EYS: variants seen among roughly 807,000 people sequenced by gnomAD.
EYS encodes protein eyes shut homolog.
EYS carries 250 observed loss-of-function variants against 282.1 expected under a neutral mutation model. The observed-to-expected ratio is 0.89, with a 90% CI of 0.80 to 0.98. The LOEUF (loss-of-function observed/expected upper bound fraction) is 0.98. Among genes scored for constraint, EYS ranks in the 50% least tolerant of loss-of-function variants. EYS has a pLI of 0.00. For synonymous variants in EYS, 1,355 were observed against 1,282.9 expected, an observed-to-expected ratio of 1.06 and a Z score of -1.20; for missense variants, 4,016 against 3,709.0, an observed-to-expected ratio of 1.08 and a Z score of -2.15.
chr6:64,310,119 T>G (rs1402683694), intron 29 of EYS, among the ~76,000 whole-genome samples: 1 of 150,812 alleles, frequency 6.6e-6, no homozygotes, highest in African/African-American at 2.5e-5. Context: ...AAAGGAATGC[T>G]TATACACCAT....
chr6:63,847,389 C>T (rs1323356189), intron 36 of EYS, among the ~76,000 whole-genome samples: 2 of 152,096 alleles, frequency 1.3e-5, no homozygotes, highest in African/African-American at 4.8e-5. Context: ...TCTCCCTCTC[C>T]TCTTCCTTCC....
intron 26 of EYS, among the ~76,000 whole-genome samples, chr6:64,565,001 T>A (rs1009078805): frequency 6.6e-6 from 1 of 152,196 alleles, no homozygotes; most frequent in Non-Finnish European, 1.5e-5. Flanking sequence ...ATTCAGATCC[T>A]TTGCGTAAAT....
chr6:63,826,506 A>G (rs954493010), intron 36 of EYS, among the ~76,000 whole-genome samples: 6 of 152,190 alleles, frequency 3.9e-5, no homozygotes, highest in Non-Finnish European at 5.9e-5. Flanking sequence ...GTGCCAGGGA[A>G]CCTATAAAGA....
intron 12 of EYS, among the ~76,000 whole-genome samples, chr6:65,091,909 A>G (rs1561961652): frequency 6.6e-6 from 1 of 152,144 alleles, no homozygotes; most frequent in Non-Finnish European, 1.5e-5. Flanking sequence ...GAATAAGTCC[A>G]CATCCCACCT....
Position 64,469,887 on chromosome 6 carries a change from T to A in EYS, c.5645-30535A>T, listed in dbSNP as rs150194388. 1.8e-3 allele frequency among the ~76,000 whole-genome samples: 269 copies of A among 152,294 alleles called. 1 individual carries two copies. The Middle Eastern group carries it at 0.024, about 13-fold the overall frequency. On this transcript the variant is annotated intron_variant, in intron 26 of 42. Coordinates refer to ENST00000503581, the MANE Select transcript of EYS (RefSeq NM_001142800.2). ...TCCATCCTGTACACCTGGCTCTGCC[T>A]TTTAGATAATAGTAGCAAAATTAGT...
intron 30 of EYS, among the ~76,000 whole-genome samples, chr6:64,251,644 T>A (rs935956602): frequency 9.8e-5 from 15 of 152,304 alleles, no homozygotes; most frequent in Non-Finnish European, 1.9e-4. Flanking sequence ...TCTTATTTGT[T>A]TTACTATAAA....
chr6:63,784,039 T>A (rs1390956819), intron 39 of EYS, among the ~76,000 whole-genome samples: 2 of 152,184 alleles, frequency 1.3e-5, no homozygotes, highest in Admixed American at 6.5e-5. Context: ...AGCTGGGACA[T>A]TGGTCTTTTC....
Position 64,383,309 on chromosome 6 carries a change from A to G in EYS, c.6078+5381T>C, listed in dbSNP as rs76875453. Reference sequence around the variant, plus strand: ...AAAGTGAGAACCTGTCTCAAAACAAACAAACAAACAAAAAATAAGGTGGGT... The same window carrying G: ...AAAGTGAGAACCTGTCTCAAAACAAGCAAACAAACAAAAAATAAGGTGGGT... On this transcript the variant is annotated intron_variant, in intron 29 of 42. Transcript: ENST00000503581. 5.7e-4 allele frequency among the ~76,000 whole-genome samples: 87 copies of G among 152,288 alleles called. 1 individual carries two copies. In the East Asian group the frequency reaches 0.016, roughly 28 times the overall value.
At chr6:63,999,277 G>T in intron 33 of EYS, 94 bp from the exon 34 acceptor site, 1 of 798,552 alleles carries the variant, frequency 1.3e-6, no homozygotes, top group Non-Finnish European at 2.1e-6. Context: ...TTCATTGAGA[G>T]AGGTACTTTC....
chr6:65,285,195 T>C (rs1040630634), intron 12 of EYS, among the ~76,000 whole-genome samples: 3 of 152,188 alleles, frequency 2.0e-5, no homozygotes, highest in African/African-American at 7.2e-5. Context: ...TAAATTTGTG[T>C]TATTTTCTGC....
intron 37 of EYS, among the ~76,000 whole-genome samples, chr6:63,798,721 C>T (rs1262405889): frequency 6.6e-6 from 1 of 151,840 alleles, no homozygotes; most frequent in Non-Finnish European, 1.5e-5. Flanking sequence ...TTTTTTTCCA[C>T]AGGAAAATAA....
chr6:64,660,684 T>C (rs952211861), intron 22 of EYS, among the ~76,000 whole-genome samples: 1 of 152,170 alleles, frequency 6.6e-6, no homozygotes, highest in Non-Finnish European at 1.5e-5. Flanking sequence ...TTACAAGGGA[T>C]GTGAAGGACC....
intron 13 of EYS, among the ~76,000 whole-genome samples, chr6:65,042,161 T>A (rs1264545171): frequency 6.6e-6 from 1 of 151,684 alleles, no homozygotes; most frequent in Non-Finnish European, 1.5e-5. Flanking sequence ...GGGATCTATT[T>A]GTTCTAATAT....
In EYS at chr6:65,136,933, C is replaced by T. The variant is rs374520269; in HGVS notation, c.2024-79206G>A. 2.0e-3 allele frequency among the ~76,000 whole-genome samples: 308 copies of T among 152,190 alleles called. 1 individual carries two copies. The highest frequency in any genetic ancestry group is 7.0e-3 in the African/African-American group (290 of 41,546). ...CTGGGCTGAAGCAATCTGCCCACCT[C>T]GGCCTTCCAAAGTGCTGGGATTACA... On this transcript the variant is annotated intron_variant, in intron 12 of 42. Transcript: ENST00000503581.
At chr6:64,657,999 A>T (rs1217474508) in intron 22 of EYS, among the ~76,000 whole-genome samples, 10 of 152,058 alleles carry the variant, frequency 6.6e-5, no homozygotes, top group African/African-American at 2.4e-4. Flanking sequence ...CACCAATCAG[A>T]TGTAGATTTG....
chr6:65,278,048 T>TTTTCG, intron 12 of EYS, among the ~76,000 whole-genome samples: 1 of 143,056 alleles, frequency 7.0e-6, no homozygotes, highest in East Asian at 2.1e-4. Context: ...TTTTCTTTTC[T>TTTTCG]TTTCTTTTCT....
chr6:65,095,959 A>T (rs1211592296), intron 12 of EYS, among the ~76,000 whole-genome samples: 1 of 151,114 alleles, frequency 6.6e-6, no homozygotes, highest in Non-Finnish European at 1.5e-5. Context: ...CAATTAGACA[A>T]GAAAATAAAA....
At chr6:65,103,343 A>G (rs755862201) in intron 12 of EYS, among the ~76,000 whole-genome samples, 1 of 151,528 alleles carries the variant, frequency 6.6e-6, no homozygotes, top group Non-Finnish European at 1.5e-5. Flanking sequence ...TTAAAGAACC[A>G]TATTTCTAAT....
intron 31 of EYS, among the ~76,000 whole-genome samples, chr6:64,086,941 C>T (rs1395082523): frequency 6.6e-6 from 1 of 152,106 alleles, no homozygotes; most frequent in Non-Finnish European, 1.5e-5. Context: ...CTGAACTGCA[C>T]ATGCATCAAC....
Sources: allele counts gnomAD v4.1 joint callset (sites outside exome capture counted in the v4.1 genomes callset), GRCh38; gene constraint gnomAD v4.1.1; transcripts MANE v1.5; gene names NCBI Gene and HGNC (gene_info 2026-07-23, HGNC 2026-07-21).